Variants in TAFA1 observed in about 807,000 individuals in gnomAD.
TAFA1 encodes TAFA chemokine like family member 1.
TAFA1 carries 4 observed loss-of-function variants against 18.5 expected under a neutral mutation model. The ratio of observed to expected loss-of-function variants is 0.22; its 90% CI spans 0.11 to 0.49. The LOEUF (loss-of-function observed/expected upper bound fraction) is 0.49. Among genes scored for constraint, TAFA1 ranks in the 20% least tolerant of loss-of-function variants. The probability of loss-of-function intolerance (pLI) is 0.98; values close to 1 mark genes in which losing one functional copy is unlikely to be tolerated. For missense variants in TAFA1, 147 were observed against 169.0 expected (o/e 0.87, Z 0.72); for synonymous variants, 56 against 55.2 (o/e 1.01, Z -0.06).
chr3:68,330,581 C>T (rs2068850223), intron 2 of TAFA1, among the ~76,000 whole-genome samples: 1 of 152,162 alleles, frequency 6.6e-6, no homozygotes, highest in Non-Finnish European at 1.5e-5. Context: ...CCCAAAACAA[C>T]CCTGGGATGC....
rs143337816 is a variant in TAFA1, at chr3:68,281,748, G to A, written c.119-135532G>A. ...GCTGGGATTCCAGGTATGAGCCACC[G>A]CGCCTGGTCCCATGGGAAGTTTTTA... On this transcript the variant is annotated intron_variant, in intron 2 of 4. Coordinates refer to ENST00000478136, the MANE Select transcript of TAFA1 (RefSeq NM_213609.4). Among the ~76,000 whole-genome samples, 903 of 152,174 alleles carry A rather than the reference G, an allele frequency of 5.9e-3. 7 individuals carry two copies. Among genetic ancestry groups the A allele is most frequent in the African/African-American group, 0.021 (862 of 41,528 alleles).
At chr3:68,278,737 A>T (rs1407441516) in intron 2 of TAFA1, among the ~76,000 whole-genome samples, 1 of 152,068 alleles carries the variant, frequency 6.6e-6, no homozygotes, top group Non-Finnish European at 1.5e-5. Flanking sequence ...CCTAAGAATC[A>T]CCTGGAAAGC....
chr3:68,270,450 G>A (rs2067643211), intron 2 of TAFA1, among the ~76,000 whole-genome samples: 1 of 152,128 alleles, frequency 6.6e-6, no homozygotes, highest in Admixed American at 6.5e-5. Context: ...GTTTTATGTG[G>A]ACCAAAAACC....
chr3:68,330,216 C>T (rs2068843097), intron 2 of TAFA1, among the ~76,000 whole-genome samples: 3 of 152,198 alleles, frequency 2.0e-5, no homozygotes. Context: ...TCTTTCTCTT[C>T]CAGGCTTCTT....
intron 2 of TAFA1, among the ~76,000 whole-genome samples, chr3:68,035,525 G>A (rs1334881593): frequency 1.3e-5 from 2 of 151,920 alleles, no homozygotes; most frequent in Non-Finnish European, 2.9e-5. Context: ...GATTAGAATG[G>A]CAAAAATAAA....
rs1176705558 is a variant in TAFA1, at chr3:68,384,799, T to A, written c.119-32481T>A. 2.0e-5 allele frequency among the ~76,000 whole-genome samples: 3 copies of A among 151,916 alleles called. No individual in the cohort carries two copies. In the East Asian group the frequency reaches 5.8e-4, roughly 30 times the overall value. On this transcript the variant is annotated intron_variant, in intron 2 of 4. Transcript: ENST00000478136. ...CTCTTACTATTATTGTGTGGGAGTC[T>A]AAGTCTCTTCTAAGGTGTTCAAGAA...
intron 3 of TAFA1, among the ~76,000 whole-genome samples, chr3:68,502,628 T>G (rs2072677152): frequency 2.0e-5 from 3 of 152,082 alleles, no homozygotes; most frequent in Non-Finnish European, 4.4e-5. Flanking sequence ...CCAGTTATTT[T>G]TTTCTGCTTG....
At chr3:68,068,743 T>C (rs1365865802) in intron 2 of TAFA1, among the ~76,000 whole-genome samples, 1 of 152,208 alleles carries the variant, frequency 6.6e-6, no homozygotes, top group Non-Finnish European at 1.5e-5. Context: ...CCACTTTTTT[T>C]CTTAGTAAAT....
chr3:68,330,836 T>A (rs1559620289), intron 2 of TAFA1, among the ~76,000 whole-genome samples: 1 of 152,212 alleles, frequency 6.6e-6, no homozygotes, highest in Non-Finnish European at 1.5e-5. Flanking sequence ...GCTGTGACAT[T>A]TTCTACTCTC....
intron 2 of TAFA1, among the ~76,000 whole-genome samples, chr3:68,153,970 A>G (rs571527744): frequency 1.3e-5 from 2 of 152,302 alleles, no homozygotes; most frequent in South Asian, 4.1e-4. Flanking sequence ...TTTAGGGATG[A>G]TGAAAAATCC....
intron 2 of TAFA1, among the ~76,000 whole-genome samples, chr3:68,024,094 A>T (rs1329819778): frequency 1.3e-5 from 2 of 152,206 alleles, no homozygotes; most frequent in African/African-American, 4.8e-5. Context: ...TGAAACTTTT[A>T]TAGGGCATAT....
chr3:68,281,957 T>G (rs1381569841), intron 2 of TAFA1, among the ~76,000 whole-genome samples: 1 of 152,134 alleles, frequency 6.6e-6, no homozygotes, highest in Non-Finnish European at 1.5e-5. Flanking sequence ...AGGAAAGAAG[T>G]TTAATTGACC....
intron 2 of TAFA1, among the ~76,000 whole-genome samples, chr3:68,018,194 C>T (rs1704607346): frequency 6.6e-6 from 1 of 152,126 alleles, no homozygotes; most frequent in African/African-American, 2.4e-5. Context: ...CATTGATGAT[C>T]ACAGATGGAG....
chr3:68,461,444 CA>C, intron 3 of TAFA1, among the ~76,000 whole-genome samples: 1 of 147,426 alleles, frequency 6.8e-6, no homozygotes, highest in Non-Finnish European at 1.5e-5. Flanking sequence ...CTATGTGATC[CA>C]ATTATTTTTC....
At chr3:68,263,839 G>A (rs914250256) in intron 2 of TAFA1, among the ~76,000 whole-genome samples, 1 of 151,926 alleles carries the variant, frequency 6.6e-6, no homozygotes, top group Non-Finnish European at 1.5e-5. Flanking sequence ...AGGTGATTTG[G>A]GGAATACCAT....
chr3:68,110,835 A>T (rs1191915979), intron 2 of TAFA1, among the ~76,000 whole-genome samples: 2 of 152,092 alleles, frequency 1.3e-5, no homozygotes, highest in Non-Finnish European at 2.9e-5. Flanking sequence ...TGAAAAAAAA[A>T]CTTGGAGTCC....
intron 2 of TAFA1, among the ~76,000 whole-genome samples, chr3:68,322,460 T>A (rs560096804): frequency 5.3e-5 from 8 of 152,304 alleles, no homozygotes; most frequent in Middle Eastern, 3.4e-3. Flanking sequence ...GTCATTGCAG[T>A]TGTATCCACT....
chr3:68,498,360 T>C (rs1338382254), intron 3 of TAFA1, among the ~76,000 whole-genome samples: 1 of 151,988 alleles, frequency 6.6e-6, no homozygotes, highest in Non-Finnish European at 1.5e-5. Context: ...TTAGTCAATG[T>C]CCCCACTCTC....
At chr3:68,122,035 T>C (rs2065405864) in intron 2 of TAFA1, among the ~76,000 whole-genome samples, 2 of 152,144 alleles carry the variant, frequency 1.3e-5, no homozygotes, top group African/African-American at 4.8e-5. Context: ...TCTTTTACGT[T>C]CACAGCTATC....
Sources: allele counts gnomAD v4.1 joint callset (sites outside exome capture counted in the v4.1 genomes callset), GRCh38; gene constraint gnomAD v4.1.1; transcripts MANE v1.5; gene names NCBI Gene and HGNC (gene_info 2026-07-23, HGNC 2026-07-21).